ENG: variants seen among roughly 807,000 people sequenced by gnomAD.
The protein encoded by ENG is CD105 antigen.
ENG carries 17 observed loss-of-function variants against 71.0 expected under a neutral mutation model. That is an observed-to-expected ratio of 0.24 (90% CI 0.16 to 0.36). The LOEUF (loss-of-function observed/expected upper bound fraction) is 0.36, where lower values mean the gene tolerates loss of function less well. Among genes scored for constraint, ENG ranks in the 10% least tolerant of loss-of-function variants. The pLI is 1.00. For missense variants in ENG, 749 were observed against 868.3 expected, an observed-to-expected ratio of 0.86 and a Z score of 1.73; for synonymous variants, 360 against 366.9, an observed-to-expected ratio of 0.98 and a Z score of 0.21.
Position 127,818,259 on chromosome 9 carries a change from C to G in ENG, c.1547G>C (p.Cys516Ser), listed in dbSNP as rs1375333115. 1.2e-6 allele frequency: 2 copies of G among 1,614,202 alleles called. No homozygotes were observed. The highest frequency in any genetic ancestry group is 1.7e-5 in the Admixed American group (1 of 60,028). Reference protein sequence around the residue: ...LIQGRAAKGNCVSLLSPSPEG... With the variant: ...LIQGRAAKGNSVSLLSPSPEG... ...GGGGCTTGGGGACAGCAGGCTCACA[C>G]AGTTGCCCTTGGCCGCCCGGCCCTG... is the stretch of plus-strand genomic sequence containing the variant. Residue 516 changes from cysteine (C) to serine (S), a missense_variant, in exon 12 of 15, where the codon TGT (cysteine) becomes TCT (serine). Physicochemically the swap from Cys to Ser is moderately radical, Grantham distance 112. Transcript: ENST00000373203.
chr9:127,825,573 C>G, intron 5 of ENG, 122 bp downstream of exon 5: 2 of 1,155,002 alleles, frequency 1.7e-6, no homozygotes, highest in South Asian at 3.0e-5. Context: ...CACAGGGCTG[C>G]GGCGGGGCTG....
At chr9:127,833,285 G>C (rs1564459156) in intron 2 of ENG, among the ~76,000 whole-genome samples, 1 of 152,112 alleles carries the variant, frequency 6.6e-6, no homozygotes, top group Non-Finnish European at 1.5e-5. Context: ...ACTTTGGGAG[G>C]CTGAGGTGAG....
intron 2 of ENG, among the ~76,000 whole-genome samples, chr9:127,830,499 C>T (rs963029774): frequency 6.6e-6 from 1 of 151,582 alleles, no homozygotes; most frequent in African/African-American, 2.4e-5. Flanking sequence ...AAAAAATTAG[C>T]CAGGTGGGGT....
chr9:127,822,998 G>A (rs1456824768), intron 8 of ENG, among the ~76,000 whole-genome samples: 1 of 151,450 alleles, frequency 6.6e-6, no homozygotes, highest in African/African-American at 2.4e-5. Flanking sequence ...GCACCACCAC[G>A]TCCGGCTAAT....
At position 127,825,683 on chromosome 9, in the gene ENG, C is replaced by T. The variant is rs759600714; in HGVS notation, c.689+12G>A. On this transcript the variant is annotated intron_variant, in intron 5 of 14. Transcript: ENST00000373203. The stretch of plus-strand genomic sequence containing the variant: ...GTGGGGACTAGTGTCAGGGGCGGGG[C>T]GAGAGCCATACCCGGCCGAGTGGCC... 23 of 1,552,626 alleles carry T rather than the reference C, an allele frequency of 1.5e-5. No homozygotes were observed. The highest frequency in any genetic ancestry group is 3.5e-5 in the Admixed American group (2 of 56,392).
At chr9:127,823,371 A>G (rs1194192784) in intron 8 of ENG, among the ~76,000 whole-genome samples, 1 of 148,000 alleles carries the variant, frequency 6.8e-6, no homozygotes, top group Non-Finnish European at 1.5e-5. Flanking sequence ...TCAACCAGGC[A>G]GTGATCATAT....
chr9:127,816,422 G>T, intron 13 of ENG: 1 of 382,644 alleles, frequency 2.6e-6, no homozygotes, highest in Non-Finnish European at 5.0e-6. Context: ...CCCTCTCTGA[G>T]GCCTTTAGCA....
intron 3 of ENG, 139 bp downstream of exon 3, chr9:127,829,548 G>T: frequency 8.5e-7 from 1 of 1,180,020 alleles, no homozygotes. Context: ...CACCAGGCAG[G>T]ACCCTGGTGA....
intron 8 of ENG, among the ~76,000 whole-genome samples, chr9:127,821,849 C>T (rs1184857260): frequency 1.4e-5 from 2 of 140,438 alleles, no homozygotes; most frequent in African/African-American, 5.3e-5. Context: ...TGCCATTGTA[C>T]TCCAGCCCGG....
Position 127,824,429 on chromosome 9 carries a change from A to C in ENG, c.1009T>G (p.Ser337Ala). The change falls in exon 8 of 15, where the codon TCA becomes GCA. Residue 337 changes from serine (S) to alanine (A), a missense_variant. By Grantham distance (99) the Ser-to-Ala change is moderately conservative. Transcript: ENST00000373203. The part of the protein sequence containing the change: ...ASSCGGRLQT[S>A]PAPIQTTPPK... ...GGAGTGGTCTGGATCGGTGCGGGTGAGGTCTGCAGCCTACCACCTGTGGGG... is the reference window on the plus strand; with the variant it reads ...GGAGTGGTCTGGATCGGTGCGGGTGCGGTCTGCAGCCTACCACCTGTGGGG... 6.4e-7 allele frequency: 1 copy of C among 1,558,170 alleles called. No individual in the cohort carries two copies. Among genetic ancestry groups the C allele is most frequent in the Non-Finnish European group, 8.7e-7 (1 of 1,146,016 alleles).
chr9:127,828,753 T>C (rs138848435), intron 3 of ENG, among the ~76,000 whole-genome samples: 1 of 152,246 alleles, frequency 6.6e-6, no homozygotes, highest in Non-Finnish European at 1.5e-5. Flanking sequence ...CTCTGTGCTG[T>C]CCCTGTCACC....
At chr9:127,823,190 G>A (rs1830510574) in intron 8 of ENG, among the ~76,000 whole-genome samples, 1 of 151,734 alleles carries the variant, frequency 6.6e-6, no homozygotes, top group East Asian at 1.9e-4. Context: ...CTGTTGCCCA[G>A]GCTGGAGTGC....
At chr9:127,852,716 C>A (rs774550160) in intron 1 of ENG, among the ~76,000 whole-genome samples, 2 of 152,116 alleles carry the variant, frequency 1.3e-5, no homozygotes, top group Non-Finnish European at 2.9e-5. Context: ...CAGGTGCTAC[C>A]GGGCACTGAT....
At chr9:127,828,433 A>G (rs1830678960) in intron 3 of ENG, among the ~76,000 whole-genome samples, 2 of 152,272 alleles carry the variant, frequency 1.3e-5, no homozygotes, top group East Asian at 3.9e-4. Flanking sequence ...CACCGGCCCC[A>G]GGGAGCCCGC....
Position 127,818,278 on chromosome 9 carries a change from G to A in ENG, c.1528C>T (p.Arg510Trp), listed in dbSNP as rs201517535. The change falls in exon 12 of 15, where the codon CGG (arginine) becomes TGG (tryptophan). Residue 510 changes from arginine to tryptophan, a missense_variant. By Grantham distance (101) the Arg-to-Trp change is moderately radical. Coordinates refer to ENST00000373203, the MANE Select transcript of ENG (RefSeq NM_001114753.3). ...CTCACACAGTTGCCCTTGGCCGCCC[G>A]GCCCTGGATGAGTTCCACGGTGCCT... Reference protein sequence around the residue: ...EGGTVELIQGRAAKGNCVSLL... With the variant: ...EGGTVELIQGWAAKGNCVSLL... 6.2e-6 allele frequency: 10 copies of A among 1,614,158 alleles called. No homozygotes were observed. The highest frequency in any genetic ancestry group is 2.2e-5 in the East Asian group (1 of 44,886).
chr9:127,817,127 G>A (rs1457553970), intron 13 of ENG, 22 bp downstream of exon 13: 6 of 1,614,028 alleles, frequency 3.7e-6, no homozygotes, highest in East Asian at 2.2e-5. Flanking sequence ...GAACAAACCC[G>A]AGAGACCTGG....
chr9:127,828,309 G>C (rs1000077010), intron 3 of ENG, among the ~76,000 whole-genome samples: 13 of 152,204 alleles, frequency 8.5e-5, no homozygotes, highest in African/African-American at 3.1e-4. Flanking sequence ...AAAGGGATCT[G>C]ATCCTTGAGT....
chr9:127,819,985 G>A lies in ENG; in HGVS notation c.1187C>T (p.Ala396Val). 1 of 1,614,156 alleles carries A rather than the reference G, an allele frequency of 6.2e-7. No homozygotes were observed. Among genetic ancestry groups the A allele is most frequent in the Non-Finnish European group, 8.5e-7 (1 of 1,180,038 alleles). Reference sequence around the variant, plus strand: ...GACAAACTTGTCACCCCTGTCCTCTGCCTCACAGCTGGGGTCCCAGAAGGT... The same window carrying A: ...GACAAACTTGTCACCCCTGTCCTCTACCTCACAGCTGGGGTCCCAGAAGGT... ...GLTFWDPSCE[A>V]EDRGDKFVLR... Residue 396 changes from alanine (A) to valine (V), a missense_variant, in exon 9 of 15, where the codon GCA (alanine) becomes GTA (valine). By Grantham distance (64) the Ala-to-Val change is moderately conservative. Transcript: ENST00000373203.
At chr9:127,841,895 G>C (rs1046119677) in intron 2 of ENG, among the ~76,000 whole-genome samples, 3 of 152,348 alleles carry the variant, frequency 2.0e-5, no homozygotes, top group Admixed American at 2.0e-4. Context: ...CTCTCAGCCA[G>C]CCTCAGTTTC....
Sources: gnomAD v4.1 joint callset for allele counts (sites outside exome capture counted in the v4.1 genomes callset) on GRCh38, gnomAD v4.1.1 for gene constraint, MANE v1.5 for transcripts, NCBI Gene and HGNC (gene_info 2026-07-23, HGNC 2026-07-21) for gene names.